Variants in AKT3 observed in about 807,000 individuals in gnomAD.
AKT3 encodes the protein RAC-gamma serine/threonine-protein kinase.
AKT3 carries 15 observed loss-of-function variants against 65.3 expected under a neutral mutation model. The ratio of observed to expected loss-of-function variants is 0.23; its 90% CI spans 0.15 to 0.35. AKT3 has a LOEUF of 0.35. Ranked by LOEUF, AKT3 falls within the 10% of genes least tolerant of loss-of-function variation. AKT3 has a pLI of 1.00. For synonymous variants in AKT3, 206 were observed against 183.8 expected, an observed-to-expected ratio of 1.12 and a Z score of -0.98; for missense variants, 243 against 576.5, an observed-to-expected ratio of 0.42 and a Z score of 5.92.
chr1:243,774,394 T>C (rs1015050698), intron 2 of AKT3, among the ~76,000 whole-genome samples: 4 of 152,194 alleles, frequency 2.6e-5, no homozygotes, highest in Non-Finnish European at 5.9e-5. Context: ...ATAAAATTGA[T>C]CTTGGGCACA....
At chr1:243,495,948 G>C (rs1463558941), downstream of AKT3, among the ~76,000 whole-genome samples, 1 of 152,176 alleles carries the variant, frequency 6.6e-6, no homozygotes, top group Non-Finnish European at 1.5e-5. Context: ...TCGAATCTCA[G>C]CTCTGCGTTG....
chr1:243,527,485 T>G (rs1178305174), intron 12 of AKT3, among the ~76,000 whole-genome samples: 1 of 152,170 alleles, frequency 6.6e-6, no homozygotes, highest in Non-Finnish European at 1.5e-5. Context: ...TATAATTATG[T>G]TTTATAATCA....
In AKT3 at chr1:243,500,087, A is replaced by AAAG. The variant is rs1491383470; in HGVS notation, c.*5159_*5161dup. 17 of 418,134 alleles carry AAAG rather than the reference A, an allele frequency of 4.1e-5. No homozygotes were observed. The highest frequency in any genetic ancestry group is 1.8e-4 in the East Asian group (5 of 27,934). The allele number at this position is 418,134 out of a possible 1,614,324, so 25.9% of individuals were successfully genotyped here. A position where few individuals can be genotyped will look rare whatever the true frequency, so the allele number is the denominator to read the frequency against. On this transcript the variant is annotated 3_prime_UTR_variant, in exon 14 of 14. Coordinates refer to ENST00000673466, the MANE Select transcript of AKT3 (RefSeq NM_005465.7). ...ATGATTTTCAATAAATGAACTTTTT[A>AAAG]AAGACTTGAGTTGTAATGTTTCCTT...
At chr1:243,520,514 ATTTCT>A (rs1278585554) in intron 12 of AKT3, among the ~76,000 whole-genome samples, 1 of 152,202 alleles carries the variant, frequency 6.6e-6, no homozygotes, top group Non-Finnish European at 1.5e-5. Flanking sequence ...CTCTCAAAAC[ATTTCT>A]GTCAACTGAC....
intron 2 of AKT3, among the ~76,000 whole-genome samples, chr1:243,762,919 CA>C (rs1459515876): frequency 3.9e-5 from 6 of 151,998 alleles, no homozygotes; most frequent in African/African-American, 1.2e-4. Flanking sequence ...CTTATGAAAG[CA>C]AAAAATTGAT....
intron 5 of AKT3, among the ~76,000 whole-genome samples, chr1:243,642,463 C>T (rs1354768540): frequency 1.3e-5 from 2 of 152,172 alleles, no homozygotes; most frequent in Non-Finnish European, 2.9e-5. Context: ...GCGCCCGCCA[C>T]CACGCCTGGT....
intron 12 of AKT3, among the ~76,000 whole-genome samples, chr1:243,531,235 C>T (rs999574907): frequency 6.6e-6 from 1 of 151,946 alleles, no homozygotes; most frequent in African/African-American, 2.4e-5. Flanking sequence ...AGACTACAGT[C>T]GTGCACCACC....
At chr1:243,498,210 T>C (rs1385467987), downstream of AKT3, among the ~76,000 whole-genome samples, 2 of 151,430 alleles carry the variant, frequency 1.3e-5, no homozygotes, top group Non-Finnish European at 2.9e-5. Flanking sequence ...GTCAGCTTGG[T>C]GCAAACCCTG....
intron 2 of AKT3, among the ~76,000 whole-genome samples, chr1:243,771,424 G>A (rs900660271): frequency 1.3e-5 from 2 of 151,974 alleles, no homozygotes; most frequent in Non-Finnish European, 2.9e-5. Flanking sequence ...TTTGTTGAAT[G>A]GATATTTTAA....
chr1:243,488,941 A>T (rs1665698320), intron 13 of AKT3: 2 of 1,608,166 alleles, frequency 1.2e-6, no homozygotes, highest in Admixed American at 3.3e-5. Flanking sequence ...CTTCCCTCAG[A>T]TACACACAGC....
chr1:243,599,424 AC>A (rs1367209920), intron 8 of AKT3, among the ~76,000 whole-genome samples: 3 of 152,316 alleles, frequency 2.0e-5, no homozygotes, highest in Non-Finnish European at 4.4e-5. Context: ...ATGTCTGAGA[AC>A]AACTGCACAA....
At position 243,564,999 on chromosome 1, in the gene AKT3, T is replaced by C. The variant is rs182056920; in HGVS notation, c.820-1151A>G. Reference sequence around the variant, plus strand: ...ATATGTTATTATACTCTCTGCCATATTGTCAAATGTCTTATAAACCAGACA... The same window carrying C: ...ATATGTTATTATACTCTCTGCCATACTGTCAAATGTCTTATAAACCAGACA... On this transcript the variant is annotated intron_variant, in intron 9 of 13. Coordinates refer to ENST00000673466, the MANE Select transcript of AKT3 (RefSeq NM_005465.7). Among the ~76,000 whole-genome samples, 112 of 152,306 alleles carry C rather than the reference T, an allele frequency of 7.4e-4. 1 individual carries two copies. Among genetic ancestry groups the C allele is most frequent in the Non-Finnish European group, 1.2e-3 (84 of 68,022 alleles).
intron 2 of AKT3, among the ~76,000 whole-genome samples, chr1:243,839,465 T>A (rs987823793): frequency 2.0e-5 from 3 of 152,202 alleles, no homozygotes; most frequent in Non-Finnish European, 4.4e-5. Flanking sequence ...TACTTGATGT[T>A]TGCTCCGTGA....
chr1:243,726,600 T>C (rs1218738408), intron 2 of AKT3, among the ~76,000 whole-genome samples: 1 of 152,170 alleles, frequency 6.6e-6, no homozygotes, highest in East Asian at 1.9e-4. Context: ...ATATTCTCTT[T>C]TTCAACCCAA....
chr1:243,820,784 T>TA lies in AKT3; in HGVS notation c.46+22340dup, dbSNP rs572003599. 2.3e-3 allele frequency among the ~76,000 whole-genome samples: 350 copies of TA among 152,238 alleles called. 3 individuals are homozygous for TA. Among genetic ancestry groups the TA allele is most frequent in the African/African-American group, 8.0e-3 (333 of 41,544 alleles). The stretch of plus-strand genomic sequence containing the variant: ...AACCTCTGAGAACTATGGGATTATG[T>TA]AAGAAGACCAAATCTATGACTGATT... On this transcript the variant is annotated intron_variant, in intron 2 of 13. Transcript: ENST00000673466.
intron 2 of AKT3, among the ~76,000 whole-genome samples, chr1:243,733,139 TTTACTG>T (rs1687655434): frequency 6.6e-6 from 1 of 152,206 alleles, no homozygotes; most frequent in South Asian, 2.1e-4. Flanking sequence ...GTTCAGGACT[TTTACTG>T]GTAAGGTATG....
At chr1:243,694,457 C>G (rs1020005714) in intron 3 of AKT3, among the ~76,000 whole-genome samples, 1 of 151,524 alleles carries the variant, frequency 6.6e-6, no homozygotes, top group Non-Finnish European at 1.5e-5. Flanking sequence ...CCTTAACTAA[C>G]ACACACACTT....
At chr1:243,555,187 C>G (rs748303198) in intron 10 of AKT3, among the ~76,000 whole-genome samples, 6 of 152,150 alleles carry the variant, frequency 3.9e-5, no homozygotes, top group Admixed American at 1.3e-4. Context: ...AACGTATTGT[C>G]TTCCTGACAT....
intron 2 of AKT3, among the ~76,000 whole-genome samples, chr1:243,783,029 G>A (rs531156326): frequency 6.6e-6 from 1 of 152,268 alleles, no homozygotes; most frequent in African/African-American, 2.4e-5. Flanking sequence ...CCCGCTTCCT[G>A]AGTAATAGGA....
Sources: gnomAD v4.1 joint callset for allele counts (sites outside exome capture counted in the v4.1 genomes callset) on GRCh38, gnomAD v4.1.1 for gene constraint, MANE v1.5 for transcripts, NCBI Gene and HGNC (gene_info 2026-07-23, HGNC 2026-07-21) for gene names.